Variants in SLC25A21 observed in about 807,000 individuals in gnomAD.
The protein encoded by SLC25A21 is mitochondrial 2-oxodicarboxylate carrier.
Under a neutral mutation model 43.8 loss-of-function variants are expected in SLC25A21, and 47 were observed. The ratio of observed to expected loss-of-function variants is 1.07; its 90% CI spans 0.85 to 1.37. The LOEUF is 1.37. Ranked by LOEUF, SLC25A21 falls within the 40% of genes most tolerant of loss-of-function variation. The probability of loss-of-function intolerance (pLI) is 0.00; values close to 1 mark genes in which losing one functional copy is unlikely to be tolerated. For missense variants in SLC25A21, 352 were observed against 350.2 expected, an observed-to-expected ratio of 1.00 and a Z score of -0.04; for synonymous variants, 131 against 121.3, an observed-to-expected ratio of 1.08 and a Z score of -0.52.
chr14:36,860,691 C>T (rs749117976), intron 2 of SLC25A21, among the ~76,000 whole-genome samples: 25 of 152,110 alleles, frequency 1.6e-4, no homozygotes, highest in Non-Finnish European at 2.5e-4. Flanking sequence ...TTTTCTAACG[C>T]GTACTTCTTA....
chr14:36,690,512 A>T (rs1182215889), intron 7 of SLC25A21, among the ~76,000 whole-genome samples: 1 of 152,176 alleles, frequency 6.6e-6, no homozygotes, highest in East Asian at 1.9e-4. Flanking sequence ...CCATTATGTC[A>T]TATTGCTTCT....
At chr14:36,972,361 T>C (rs1276033292) in intron 1 of SLC25A21, among the ~76,000 whole-genome samples, 3 of 152,214 alleles carry the variant, frequency 2.0e-5, no homozygotes, top group Admixed American at 1.3e-4. Flanking sequence ...CATACATATT[T>C]ACCAATCATC....
At chr14:36,833,602 G>A (rs1381315093) in intron 2 of SLC25A21, among the ~76,000 whole-genome samples, 1 of 152,192 alleles carries the variant, frequency 6.6e-6, no homozygotes, top group Non-Finnish European at 1.5e-5. Flanking sequence ...TTAGGAAAGG[G>A]CACTGGCTTC....
intron 1 of SLC25A21, among the ~76,000 whole-genome samples, chr14:36,962,424 T>A (rs1959515587): frequency 6.6e-6 from 1 of 152,178 alleles, no homozygotes; most frequent in Non-Finnish European, 1.5e-5. Flanking sequence ...GATTTGTTCA[T>A]CCTACATATC....
intron 2 of SLC25A21, among the ~76,000 whole-genome samples, chr14:36,817,285 T>C (rs1888489765): frequency 6.6e-6 from 1 of 152,110 alleles, no homozygotes; most frequent in South Asian, 2.1e-4. Flanking sequence ...GTCCAGGTGT[T>C]CACGAGGGGA....
Position 36,859,994 on chromosome 14 carries a change from C to T in SLC25A21, c.119+14962G>A, listed in dbSNP as rs552334942. On this transcript the variant is annotated intron_variant, in intron 2 of 9. Transcript: ENST00000331299. ...TTGTAGGCACTGTGTAATATATATACATATATATATCAATGAAGGAAGGCC... is the reference window on the plus strand; with the variant it reads ...TTGTAGGCACTGTGTAATATATATATATATATATATCAATGAAGGAAGGCC... Among the ~76,000 whole-genome samples the T allele has an allele frequency of 2.7e-4, 41 of 152,004 alleles. No individual in the cohort carries two copies. In the South Asian group the frequency reaches 7.3e-3, roughly 27 times the overall value.
intron 1 of SLC25A21, among the ~76,000 whole-genome samples, chr14:37,074,136 A>T (rs993827479): frequency 6.6e-6 from 1 of 152,236 alleles, no homozygotes; most frequent in South Asian, 2.1e-4. Context: ...CATACATACA[A>T]CTTAATATAA....
At chr14:37,161,735 C>T (rs190884646) in intron 1 of SLC25A21, among the ~76,000 whole-genome samples, 71 of 151,528 alleles carry the variant, frequency 4.7e-4, no homozygotes, top group African/African-American at 1.6e-3. Flanking sequence ...CCGAGGCGGG[C>T]GAATCACAAG....
intron 4 of SLC25A21, among the ~76,000 whole-genome samples, chr14:36,732,209 C>G (rs770138495): frequency 4.6e-5 from 7 of 151,450 alleles, no homozygotes; most frequent in Non-Finnish European, 1.0e-4. Flanking sequence ...CTTTATTCAT[C>G]TAATATCAAC....
At chr14:37,167,797 C>T (rs1964054909) in intron 1 of SLC25A21, among the ~76,000 whole-genome samples, 3 of 151,992 alleles carry the variant, frequency 2.0e-5, no homozygotes, top group East Asian at 3.9e-4. Context: ...GATCTTGTGG[C>T]CCCCACCCAG....
At chr14:37,060,010 A>C (rs1288721569) in intron 1 of SLC25A21, among the ~76,000 whole-genome samples, 1 of 152,094 alleles carries the variant, frequency 6.6e-6, no homozygotes, top group Non-Finnish European at 1.5e-5. Flanking sequence ...AGATAAGAGA[A>C]ATATTTCATT....
At chr14:36,691,898 T>C (rs1882810048) in intron 7 of SLC25A21, among the ~76,000 whole-genome samples, 1 of 152,226 alleles carries the variant, frequency 6.6e-6, no homozygotes, top group Non-Finnish European at 1.5e-5. Flanking sequence ...GAAATATTAA[T>C]GAATATTGCA....
At chr14:36,696,539 G>T (rs1883031372) in intron 7 of SLC25A21, among the ~76,000 whole-genome samples, 1 of 152,116 alleles carries the variant, frequency 6.6e-6, no homozygotes, top group African/African-American at 2.4e-5. Context: ...ATCTGGTCCT[G>T]GACTTTTTTT....
intron 2 of SLC25A21, among the ~76,000 whole-genome samples, chr14:36,861,831 T>C (rs1890072990): frequency 6.6e-6 from 1 of 152,116 alleles, no homozygotes; most frequent in Non-Finnish European, 1.5e-5. Flanking sequence ...AGTTCCAAAT[T>C]CTCTCTCCAA....
At chr14:37,090,263 T>C (rs1323397789) in intron 1 of SLC25A21, among the ~76,000 whole-genome samples, 1 of 152,254 alleles carries the variant, frequency 6.6e-6, no homozygotes, top group Non-Finnish European at 1.5e-5. Context: ...TAATGATTGC[T>C]GTTGTGACAG....
At chr14:37,108,364 C>A (rs1041181002) in intron 1 of SLC25A21, among the ~76,000 whole-genome samples, 1 of 151,998 alleles carries the variant, frequency 6.6e-6, no homozygotes, top group Non-Finnish European at 1.5e-5. Context: ...AGAGTACAAA[C>A]AAATCATTAA....
chr14:36,968,050 C>T lies in SLC25A21; in HGVS notation c.71-93046G>A, dbSNP rs181174656. On this transcript the variant is annotated intron_variant, in intron 1 of 9. Coordinates refer to ENST00000331299, the MANE Select transcript of SLC25A21 (RefSeq NM_030631.4). ...GAGAGCAGCAGTTAAGAAAGCAAAG[C>T]AAACAGGGAAGAGCACACGTAGTGG... Among the ~76,000 whole-genome samples the T allele has an allele frequency of 4.6e-5, 7 of 152,246 alleles. No individual in the cohort carries two copies. The East Asian group carries it at 1.4e-3, about 29-fold the overall frequency.
intron 1 of SLC25A21, among the ~76,000 whole-genome samples, chr14:36,888,879 T>C (rs1268347062): frequency 1.3e-5 from 2 of 152,234 alleles, no homozygotes; most frequent in Non-Finnish European, 1.5e-5. Context: ...CTAACTAGCA[T>C]TACTTCTTGC....
intron 2 of SLC25A21, among the ~76,000 whole-genome samples, chr14:36,833,193 CAGAG>C (rs1055015083): frequency 2.0e-5 from 3 of 152,102 alleles, no homozygotes; most frequent in Non-Finnish European, 4.4e-5. Context: ...TATATACACA[CAGAG>C]AGAAAATAAA....
Sources: gnomAD v4.1 joint callset for allele counts (sites outside exome capture counted in the v4.1 genomes callset) on GRCh38, gnomAD v4.1.1 for gene constraint, MANE v1.5 for transcripts, NCBI Gene and HGNC (gene_info 2026-07-23, HGNC 2026-07-21) for gene names.